Variants in CHN2 observed in about 807,000 individuals in gnomAD.
CHN2 encodes the protein chimerin 2.
CHN2 carries 35 observed loss-of-function variants against 56.3 expected under a neutral mutation model. The ratio of observed to expected loss-of-function variants is 0.62; its 90% CI spans 0.47 to 0.82. The LOEUF (loss-of-function observed/expected upper bound fraction) is 0.82, where lower values mean the gene tolerates loss of function less well. Ranked by LOEUF, CHN2 falls within the 40% of genes least tolerant of loss-of-function variation. The pLI is 0.00. For missense variants in CHN2, 491 were observed against 580.5 expected, an observed-to-expected ratio of 0.85 and a Z score of 1.58; for synonymous variants, 210 against 212.8, an observed-to-expected ratio of 0.99 and a Z score of 0.12.
chr7:29,300,061 GT>G (rs998683040), intron 1 of CHN2, among the ~76,000 whole-genome samples: 7 of 152,226 alleles, frequency 4.6e-5, no homozygotes, highest in African/African-American at 1.7e-4. Flanking sequence ...GCCGTGGGAT[GT>G]TTTTCCCTTT....
At chr7:29,481,913 C>T (rs1719412946) in intron 7 of CHN2, among the ~76,000 whole-genome samples, 1 of 151,980 alleles carries the variant, frequency 6.6e-6, no homozygotes, top group African/African-American at 2.4e-5. Flanking sequence ...GTAGCTTGTC[C>T]ATGTATATTC....
intron 1 of CHN2, chr7:29,212,312 T>A: frequency 4.0e-6 from 5 of 1,264,180 alleles, no homozygotes; most frequent in Non-Finnish European, 5.8e-6. Context: ...TGAGTGTGGA[T>A]CTGGCTTGTC....
At chr7:29,464,378 A>G (rs1167972235) in intron 6 of CHN2, among the ~76,000 whole-genome samples, 2 of 152,194 alleles carry the variant, frequency 1.3e-5, no homozygotes, top group African/African-American at 4.8e-5. Flanking sequence ...TTTGAATTGT[A>G]TTTAATCACC....
intron 1 of CHN2, among the ~76,000 whole-genome samples, chr7:29,206,973 T>C (rs942190180): frequency 3.3e-5 from 5 of 152,204 alleles, no homozygotes; most frequent in African/African-American, 7.2e-5. Context: ...TGACTGCTAA[T>C]AGGTATGAGT....
chr7:29,155,313 A>G (rs1361494641), intron 2 of CHN2, among the ~76,000 whole-genome samples: 1 of 152,228 alleles, frequency 6.6e-6, no homozygotes, highest in Non-Finnish European at 1.5e-5. Flanking sequence ...TCAAAAATAA[A>G]TAAATAGAAC....
chr7:29,314,922 A>G (rs1794853898), intron 1 of CHN2, among the ~76,000 whole-genome samples: 1 of 151,878 alleles, frequency 6.6e-6, no homozygotes, highest in Non-Finnish European at 1.5e-5. Context: ...GATTAAAACG[A>G]CATCTTGGGT....
At chr7:29,226,138 A>G (rs1193800078) in intron 1 of CHN2, among the ~76,000 whole-genome samples, 2 of 152,216 alleles carry the variant, frequency 1.3e-5, no homozygotes, top group African/African-American at 4.8e-5. Flanking sequence ...ACACAGAACA[A>G]TGAGCTGTCT....
intron 6 of CHN2, among the ~76,000 whole-genome samples, chr7:29,422,325 C>A (rs1268131996): frequency 3.3e-5 from 5 of 152,190 alleles, no homozygotes; most frequent in African/African-American, 9.7e-5. Flanking sequence ...ACAGGTGCAG[C>A]AGCCGGCACC....
chr7:29,500,135 T>C, intron 9 of CHN2, 95 bp downstream of exon 9: 1 of 1,009,566 alleles, frequency 9.9e-7, no homozygotes, highest in Non-Finnish European at 1.4e-6. Context: ...TCTACTACTC[T>C]TGTTGGGAAA....
chr7:29,300,977 T>C (rs1793615092), intron 1 of CHN2, among the ~76,000 whole-genome samples: 1 of 151,670 alleles, frequency 6.6e-6, no homozygotes, highest in African/African-American at 2.4e-5. Context: ...TTCTCAGAAA[T>C]TGAATGAGTA....
intron 2 of CHN2, among the ~76,000 whole-genome samples, chr7:29,157,501 T>C (rs1302903150): frequency 6.6e-6 from 1 of 152,226 alleles, no homozygotes; most frequent in Non-Finnish European, 1.5e-5. Flanking sequence ...GTCTCTTTCA[T>C]GGACCCTTCA....
At chr7:29,210,961 G>A (rs937217626) in intron 1 of CHN2, among the ~76,000 whole-genome samples, 8 of 152,306 alleles carry the variant, frequency 5.3e-5, no homozygotes, top group African/African-American at 1.4e-4. Context: ...ATCATGGAGG[G>A]CCTCGTAGGC....
At chr7:29,258,001 C>A (rs1369078049) in intron 1 of CHN2, among the ~76,000 whole-genome samples, 1 of 151,946 alleles carries the variant, frequency 6.6e-6, no homozygotes, top group Non-Finnish European at 1.5e-5. Context: ...CCAGGTTAGT[C>A]TCAAACACCT....
chr7:29,462,261 A>C (rs931511953), intron 6 of CHN2, among the ~76,000 whole-genome samples: 2 of 152,240 alleles, frequency 1.3e-5, no homozygotes, highest in Admixed American at 1.3e-4. Context: ...AGGAGTGGAA[A>C]GGGCTGCTAT....
Position 29,507,219 on chromosome 7 carries a change from G to T in CHN2, c.992-9G>T. ...CTAATTAGGACTTGGATCACTGATT[G>T]TTTTTCAGATGGTGAAAAGGCCGAT... On this transcript the variant is annotated splice_polypyrimidine_tract_variant and intron_variant, in intron 10 of 12. Transcript: ENST00000222792. 3 of 1,592,418 alleles carry T rather than the reference G, an allele frequency of 1.9e-6. No individual in the cohort carries two copies. Among genetic ancestry groups the T allele is most frequent in the South Asian group, 1.2e-5 (1 of 86,954 alleles).
chr7:29,349,133 A>G (rs1472067568), intron 1 of CHN2, among the ~76,000 whole-genome samples: 1 of 152,138 alleles, frequency 6.6e-6, no homozygotes, highest in Non-Finnish European at 1.5e-5. Flanking sequence ...TTTTCTCCTA[A>G]TTTATCTTAC....
chr7:29,499,132 T>C (rs530327261), intron 8 of CHN2, among the ~76,000 whole-genome samples: 1 of 152,344 alleles, frequency 6.6e-6, no homozygotes, highest in Admixed American at 6.5e-5. Context: ...CGTGTTTTCA[T>C]TGAACTTTAA....
intron 2 of CHN2, among the ~76,000 whole-genome samples, chr7:29,147,509 T>C (rs1792923358): frequency 6.6e-6 from 1 of 152,238 alleles, no homozygotes; most frequent in African/African-American, 2.4e-5. Context: ...AACAAACTAA[T>C]GTCACTGAAT....
intron 7 of CHN2, among the ~76,000 whole-genome samples, chr7:29,489,890 G>T (rs1788462886): frequency 6.6e-6 from 1 of 152,280 alleles, no homozygotes; most frequent in South Asian, 2.1e-4. Context: ...CAAAAAAAGT[G>T]AAATTTTAGA....
Sources: allele counts gnomAD v4.1 joint callset (sites outside exome capture counted in the v4.1 genomes callset), GRCh38; gene constraint gnomAD v4.1.1; transcripts MANE v1.5; gene names NCBI Gene and HGNC (gene_info 2026-07-23, HGNC 2026-07-21).